The following EBF3 variants were observed in gnomAD, a reference collection of about 807,000 sequenced individuals.
EBF3 encodes EBF transcription factor 3.
In EBF3, 18 loss-of-function variants were observed where a neutral mutation model predicts 77.1. That is an observed-to-expected ratio of 0.23 (90% CI 0.16 to 0.35). The LOEUF (loss-of-function observed/expected upper bound fraction) is 0.35, where lower values mean the gene tolerates loss of function less well. EBF3 is among the 10% of genes least tolerant of loss of function. The pLI is 1.00. For synonymous variants in EBF3, 350 were observed against 343.5 expected (o/e 1.02, Z -0.21); for missense variants, 558 against 860.0 (o/e 0.65, Z 4.39).
chr10:129,907,969 T>A (rs796406791), intron 6 of EBF3, among the ~76,000 whole-genome samples: 40 of 152,350 alleles, frequency 2.6e-4, no homozygotes, highest in African/African-American at 9.1e-4. Context: ...AGGGTGTTTA[T>A]GGGAGCTGGC....
At chr10:129,933,366 C>T (rs1396131311) in intron 6 of EBF3, among the ~76,000 whole-genome samples, 1 of 152,178 alleles carries the variant, frequency 6.6e-6, no homozygotes, top group South Asian at 2.1e-4. Context: ...TGGGACGCCC[C>T]GAGTATGGGG....
chr10:129,922,566 A>T (rs1215060555), intron 6 of EBF3, among the ~76,000 whole-genome samples: 1 of 152,228 alleles, frequency 6.6e-6, no homozygotes, highest in Non-Finnish European at 1.5e-5. Context: ...ACTGAACTTC[A>T]TGGGGACAGA....
chr10:129,888,730 G>A (rs1853796036), intron 6 of EBF3, among the ~76,000 whole-genome samples: 1 of 152,220 alleles, frequency 6.6e-6, no homozygotes, highest in African/African-American at 2.4e-5. Flanking sequence ...TTGATAAATA[G>A]GGATTTGTCC....
intron 6 of EBF3, among the ~76,000 whole-genome samples, chr10:129,941,194 G>A (rs1163260438): frequency 6.6e-6 from 1 of 152,192 alleles, no homozygotes; most frequent in Non-Finnish European, 1.5e-5. Flanking sequence ...CTGTTGGCAG[G>A]CATCAAGTTC....
intron 6 of EBF3, among the ~76,000 whole-genome samples, chr10:129,907,862 T>C (rs1481797953): frequency 6.6e-6 from 1 of 152,162 alleles, no homozygotes. Context: ...CTATCAAATA[T>C]AGATGAGACG....
chr10:129,855,780 G>A (rs1564828956), intron 10 of EBF3, among the ~76,000 whole-genome samples: 2 of 152,236 alleles, frequency 1.3e-5, no homozygotes, highest in Non-Finnish European at 2.9e-5. Context: ...AACATCAAGT[G>A]TCCCTCTGCT....
chr10:129,923,069 C>T (rs773044274), intron 6 of EBF3, among the ~76,000 whole-genome samples: 2 of 152,178 alleles, frequency 1.3e-5, no homozygotes, highest in South Asian at 2.1e-4. Flanking sequence ...TCCACTCTTG[C>T]GCCAAACTGT....
intron 6 of EBF3, among the ~76,000 whole-genome samples, chr10:129,927,591 C>A (rs1393527926): frequency 3.9e-5 from 6 of 152,202 alleles, no homozygotes; most frequent in African/African-American, 9.6e-5. Context: ...CCTTCTCGGG[C>A]AGCCATGCCT....
chr10:129,866,244 C>A (rs1852005439), intron 10 of EBF3, among the ~76,000 whole-genome samples: 1 of 152,154 alleles, frequency 6.6e-6, no homozygotes, highest in African/African-American at 2.4e-5. Context: ...ACCTCACCAT[C>A]CTGAGTAGCT....
rs924550603 is a variant in EBF3 at position 129,924,434 on chromosome 10, A to C, written c.554+32824T>G. The stretch of plus-strand genomic sequence containing the variant: ...CGTCTCAAACAACAACAACAACAAA[A>C]AAAAAAAAAAACAAAAAACAAAAAA... On this transcript the variant is annotated intron_variant, in intron 6 of 16. Transcript: ENST00000440978. Among the ~76,000 whole-genome samples, 262 of 148,536 alleles carry C rather than the reference A, an allele frequency of 1.8e-3. 3 individuals carry two copies. The highest frequency in any genetic ancestry group is 6.3e-3 in the African/African-American group (251 of 39,762).
intron 7 of EBF3, among the ~76,000 whole-genome samples, chr10:129,874,925 G>T (rs942786594): frequency 6.6e-6 from 1 of 152,138 alleles, no homozygotes; most frequent in African/African-American, 2.4e-5. Flanking sequence ...AAACCAGGGG[G>T]AGGGGCGCAC....
chr10:129,883,041 G>A (rs1184534830), intron 6 of EBF3, among the ~76,000 whole-genome samples: 3 of 152,190 alleles, frequency 2.0e-5, no homozygotes. Context: ...CTGTTCTAAT[G>A]GCTTGCTTTT....
intron 10 of EBF3, among the ~76,000 whole-genome samples, chr10:129,853,598 A>T (rs1589709388): frequency 6.6e-6 from 1 of 152,230 alleles, no homozygotes; most frequent in African/African-American, 2.4e-5. Context: ...GGCAATGGGG[A>T]TTGTTAAATA....
chr10:129,855,519 T>G (rs552952332), intron 10 of EBF3, among the ~76,000 whole-genome samples: 1 of 152,312 alleles, frequency 6.6e-6, no homozygotes, highest in African/African-American at 2.4e-5. Flanking sequence ...TCCTCACTTC[T>G]CCGTGGCTTT....
chr10:129,904,318 T>C (rs1854982643), intron 6 of EBF3, among the ~76,000 whole-genome samples: 1 of 152,214 alleles, frequency 6.6e-6, no homozygotes, highest in Non-Finnish European at 1.5e-5. Context: ...CCCCAACACA[T>C]TATTCTCCTG....
chr10:129,876,885 A>ACCGC (rs1852811725), intron 7 of EBF3, among the ~76,000 whole-genome samples: 1 of 42,368 alleles, frequency 2.4e-5, no homozygotes, highest in African/African-American at 8.2e-5. Flanking sequence ...TCATCCCTGA[A>ACCGC]CCCCCCCCCC....
At position 129,925,107 on chromosome 10, in the gene EBF3, T is replaced by C. The variant is rs1438198108; in HGVS notation, c.554+32151A>G. On this transcript the variant is annotated intron_variant, in intron 6 of 16. Transcript: ENST00000440978. Reference sequence around the variant, plus strand: ...ACGCGTGTGTGTGTGTGTGTGTGCGTGTGTACGGTTGGTGCAAAAGTAATT... The same window carrying C: ...ACGCGTGTGTGTGTGTGTGTGTGCGCGTGTACGGTTGGTGCAAAAGTAATT... Among the ~76,000 whole-genome samples, 3 of 151,450 alleles carry C rather than the reference T, an allele frequency of 2.0e-5. No individual in the cohort carries two copies. The East Asian group carries it at 5.8e-4, about 29-fold the overall frequency.
chr10:129,933,899 C>T (rs12360513), intron 6 of EBF3, among the ~76,000 whole-genome samples: 17,242 of 152,202 alleles, frequency 0.11, 1,276 homozygotes, highest in East Asian at 0.26. Context: ...CTCTGCTCAG[C>T]CCCACTCTCT....
intron 6 of EBF3, among the ~76,000 whole-genome samples, chr10:129,951,772 A>G (rs1165139520): frequency 6.6e-6 from 1 of 152,264 alleles, no homozygotes; most frequent in East Asian, 1.9e-4. Flanking sequence ...GCACACCCGC[A>G]TCTCAAGCTT....
Sources: gnomAD v4.1 joint callset for allele counts (sites outside exome capture counted in the v4.1 genomes callset) on GRCh38, gnomAD v4.1.1 for gene constraint, MANE v1.5 for transcripts, NCBI Gene and HGNC (gene_info 2026-07-23, HGNC 2026-07-21) for gene names.